KCNK9: variants seen among roughly 807,000 people sequenced by gnomAD.
The protein encoded by KCNK9 is potassium two pore domain channel subfamily K member 9, also known as potassium channel subfamily K member 9.
Under a neutral mutation model 10.8 loss-of-function variants are expected in KCNK9, and 1 was observed. The observed-to-expected ratio is 0.09, with a 90% confidence interval of 0.03 to 0.44. The LOEUF is 0.44. KCNK9 is among the 20% of genes least tolerant of loss of function. The probability of loss-of-function intolerance (pLI) is 0.97; values close to 1 mark genes in which losing one functional copy is unlikely to be tolerated. For missense variants in KCNK9, 303 were observed against 515.0 expected, an observed-to-expected ratio of 0.59 and a Z score of 3.98; for synonymous variants, 231 against 222.7, an observed-to-expected ratio of 1.04 and a Z score of -0.33.
intron 1 of KCNK9, among the ~76,000 whole-genome samples, chr8:139,666,476 G>T (rs1816303854): frequency 6.6e-6 from 1 of 152,228 alleles, no homozygotes; most frequent in Non-Finnish European, 1.5e-5. Context: ...GAACACTGTG[G>T]TCATCCCCAT....
chr8:139,696,630 G>GAGGAGGGAGGGA (rs1341402539), intron 1 of KCNK9, among the ~76,000 whole-genome samples: 1 of 152,166 alleles, frequency 6.6e-6, no homozygotes, highest in South Asian at 2.1e-4. Flanking sequence ...TGAGTACACA[G>GAGGAGGGAGGGA]AGGAGGGAGG....
At chr8:139,623,104 G>A (rs908141109) in intron 1 of KCNK9, among the ~76,000 whole-genome samples, 1 of 152,166 alleles carries the variant, frequency 6.6e-6, no homozygotes, top group Non-Finnish European at 1.5e-5. Context: ...TACACACCAT[G>A]TCTACAGATT....
downstream of KCNK9, chr8:139,615,775 T>C (rs1338207185): frequency 6.6e-6 from 1 of 151,932 alleles, no homozygotes; most frequent in African/African-American, 2.4e-5. Context: ...GAAGAGAGAA[T>C]GTTTTCTATA....
chr8:139,689,857 T>C (rs1816898538), intron 1 of KCNK9, among the ~76,000 whole-genome samples: 1 of 152,132 alleles, frequency 6.6e-6, no homozygotes, highest in African/African-American at 2.4e-5. Context: ...TTAGCCAGGA[T>C]GGTCTCGATC....
chr8:139,670,892 G>A (rs529149441), intron 1 of KCNK9, among the ~76,000 whole-genome samples: 20 of 152,290 alleles, frequency 1.3e-4, no homozygotes, highest in Admixed American at 6.5e-4. Flanking sequence ...TCTAGGATTT[G>A]ATGACCACCC....
intron 1 of KCNK9, among the ~76,000 whole-genome samples, chr8:139,651,462 AT>A (rs1348678628): frequency 2.0e-5 from 3 of 152,162 alleles, no homozygotes; most frequent in Non-Finnish European, 4.4e-5. Flanking sequence ...CAGGGTGCAG[AT>A]TGCTGTGAAT....
intron 1 of KCNK9, among the ~76,000 whole-genome samples, chr8:139,630,588 T>C (rs1442860705): frequency 1.3e-5 from 2 of 152,130 alleles, no homozygotes; most frequent in Admixed American, 6.5e-5. Context: ...TATCTGCCAA[T>C]GGAAGGCCCG....
intron 1 of KCNK9, among the ~76,000 whole-genome samples, chr8:139,691,994 T>G (rs1325529360): frequency 3.9e-5 from 6 of 152,206 alleles, no homozygotes; most frequent in Admixed American, 2.0e-4. Context: ...CAGGCTCAGC[T>G]GGCACACGCC....
intron 1 of KCNK9, among the ~76,000 whole-genome samples, chr8:139,649,277 TGG>T (rs1815782409): frequency 6.6e-6 from 1 of 152,070 alleles, no homozygotes; most frequent in Non-Finnish European, 1.5e-5. Flanking sequence ...TTGGCCTGAG[TGG>T]CGCGTCAGAA....
intron 1 of KCNK9, among the ~76,000 whole-genome samples, chr8:139,641,290 T>TG (rs892256238): frequency 2.0e-5 from 3 of 152,164 alleles, no homozygotes; most frequent in Admixed American, 6.5e-5. Context: ...CCTCACCGCA[T>TG]GGGGCTGCTG....
At chr8:139,623,123 A>G (rs1780927520) in intron 1 of KCNK9, among the ~76,000 whole-genome samples, 1 of 152,208 alleles carries the variant, frequency 6.6e-6, no homozygotes, top group African/African-American at 2.4e-5. Flanking sequence ...TTGTATGTAG[A>G]AGATACAATA....
intron 1 of KCNK9, among the ~76,000 whole-genome samples, chr8:139,641,599 G>A (rs1350426039): frequency 6.7e-6 from 1 of 148,942 alleles, no homozygotes; most frequent in Non-Finnish European, 1.5e-5. Context: ...AGAAGCTGGT[G>A]GCCTCCCGCT....
chr8:139,664,638 C>T (rs201635892), intron 1 of KCNK9, among the ~76,000 whole-genome samples: 3 of 152,180 alleles, frequency 2.0e-5, no homozygotes, highest in Non-Finnish European at 4.4e-5. Context: ...GGGCACAGAC[C>T]CCGCCCTCCA....
chr8:139,651,272 CA>C (rs1381081050), intron 1 of KCNK9, among the ~76,000 whole-genome samples: 2 of 152,222 alleles, frequency 1.3e-5, no homozygotes, highest in South Asian at 4.1e-4. Flanking sequence ...TCCCATGCAG[CA>C]CTGCTCCTCC....
At chr8:139,629,300 C>T (rs996767489) in intron 1 of KCNK9, among the ~76,000 whole-genome samples, 1 of 152,236 alleles carries the variant, frequency 6.6e-6, no homozygotes, top group Non-Finnish European at 1.5e-5. Flanking sequence ...GCCTACACAG[C>T]GTGCCCCAAG....
At chr8:139,679,968 C>T (rs1318955927) in intron 1 of KCNK9, among the ~76,000 whole-genome samples, 1 of 152,194 alleles carries the variant, frequency 6.6e-6, no homozygotes, top group African/African-American at 2.4e-5. Context: ...GATGGGGCAT[C>T]CTGGGTGAGG....
chr8:139,626,056 G>A (rs146961845), intron 1 of KCNK9, among the ~76,000 whole-genome samples: 190 of 152,302 alleles, frequency 1.2e-3, no homozygotes, highest in Non-Finnish European at 1.6e-3. Context: ...AGAGGCACCT[G>A]TTCTGAGCTC....
intron 1 of KCNK9, among the ~76,000 whole-genome samples, chr8:139,636,176 ATTC>A (rs1397570274): frequency 5.3e-5 from 8 of 152,194 alleles, no homozygotes; most frequent in Non-Finnish European, 8.8e-5. Flanking sequence ...CACCAATGAT[ATTC>A]TTCTTCTCAT....
intron 1 of KCNK9, among the ~76,000 whole-genome samples, chr8:139,682,731 A>C (rs1816717139): frequency 6.6e-6 from 1 of 152,234 alleles, no homozygotes; most frequent in Non-Finnish European, 1.5e-5. Context: ...CTTGATGCAC[A>C]TAAGCACAGG....
Sources: allele counts gnomAD v4.1 joint callset (sites outside exome capture counted in the v4.1 genomes callset), GRCh38; gene constraint gnomAD v4.1.1; transcripts MANE v1.5; gene names NCBI Gene and HGNC (gene_info 2026-07-23, HGNC 2026-07-21).